The following KCNH7 variants were observed in gnomAD, a reference collection of about 807,000 sequenced individuals.
The protein encoded by KCNH7 is voltage-gated inwardly rectifying potassium channel KCNH7.
A neutral mutation model predicts 120.8 loss-of-function variants in KCNH7; 49 were observed. The observed-to-expected ratio is 0.41, with a 90% CI of 0.32 to 0.51. The LOEUF (loss-of-function observed/expected upper bound fraction) is 0.51. Ranked by LOEUF, KCNH7 falls within the 20% of genes least tolerant of loss-of-function variation. KCNH7 has a pLI of 0.38. For synonymous variants in KCNH7, 547 were observed against 516.1 expected (o/e 1.06, Z -0.81); for missense variants, 1,097 against 1,446.6 (o/e 0.76, Z 3.92).
At chr2:162,694,689 C>T (rs1355590560) in intron 2 of KCNH7, among the ~76,000 whole-genome samples, 1 of 151,996 alleles carries the variant, frequency 6.6e-6, no homozygotes, top group African/African-American at 2.4e-5. Flanking sequence ...GCACTCCTCA[C>T]AGCCAGAAGA....
chr2:162,775,657 T>G (rs577160452), intron 2 of KCNH7, among the ~76,000 whole-genome samples: 1 of 152,322 alleles, frequency 6.6e-6, no homozygotes, highest in South Asian at 2.1e-4. Flanking sequence ...TTTTAGGCAT[T>G]CATTTGCATT....
Position 162,741,052 on chromosome 2 carries a change from G to A in KCNH7, c.307+95485C>T, listed in dbSNP as rs533035022. On this transcript the variant is annotated intron_variant, in intron 2 of 15. Coordinates refer to ENST00000332142, the MANE Select transcript of KCNH7 (RefSeq NM_033272.4). ...TAGGCTTCAGAAATACATGATAATT[G>A]ACTAACTGTTATGCAGATCCAGATA... Among the ~76,000 whole-genome samples, 305 of 152,160 alleles carry A rather than the reference G, an allele frequency of 2.0e-3. 3 individuals carry two copies. Among genetic ancestry groups the A allele is most frequent in the African/African-American group, 7.0e-3 (291 of 41,536 alleles).
intron 2 of KCNH7, among the ~76,000 whole-genome samples, chr2:162,595,849 C>T (rs548370594): frequency 2.0e-5 from 3 of 151,202 alleles, no homozygotes; most frequent in South Asian, 2.1e-4. Flanking sequence ...GTTAGAACAG[C>T]GAAATAAATT....
chr2:162,687,693 C>CT (rs1685946054), intron 2 of KCNH7, among the ~76,000 whole-genome samples: 1 of 152,094 alleles, frequency 6.6e-6, no homozygotes, highest in Non-Finnish European at 1.5e-5. Flanking sequence ...TTTATTAGCA[C>CT]ACCACTGGTA....
intron 2 of KCNH7, among the ~76,000 whole-genome samples, chr2:162,553,207 C>T (rs978823387): frequency 4.6e-5 from 7 of 152,020 alleles, no homozygotes; most frequent in Non-Finnish European, 7.4e-5. Context: ...ACTGTATGAA[C>T]TGGTAGATGT....
chr2:162,635,056 T>C (rs1683907212), intron 2 of KCNH7, among the ~76,000 whole-genome samples: 1 of 151,978 alleles, frequency 6.6e-6, no homozygotes, highest in African/African-American at 2.4e-5. Context: ...ATGTTTCAAC[T>C]GCTTAATAGA....
chr2:162,535,797 A>T (rs1225708244), intron 3 of KCNH7, among the ~76,000 whole-genome samples: 1 of 151,752 alleles, frequency 6.6e-6, no homozygotes, highest in African/African-American at 2.4e-5. Context: ...GTATATATAA[A>T]CTGTATGATT....
chr2:162,615,544 A>T (rs1683115632), intron 2 of KCNH7, among the ~76,000 whole-genome samples: 1 of 152,222 alleles, frequency 6.6e-6, no homozygotes, highest in South Asian at 2.1e-4. Flanking sequence ...AGGGTTCTCA[A>T]ATGGTAGGTA....
chr2:162,531,205 A>T (rs1574070066), intron 3 of KCNH7, among the ~76,000 whole-genome samples: 1 of 152,008 alleles, frequency 6.6e-6, no homozygotes, highest in Admixed American at 6.6e-5. Context: ...ATCACAATAT[A>T]AAGTTGCATA....
intron 2 of KCNH7, among the ~76,000 whole-genome samples, chr2:162,695,890 A>AC (rs1172263964): frequency 1.3e-5 from 2 of 152,166 alleles, no homozygotes; most frequent in East Asian, 3.8e-4. Context: ...TGGAAAGCAA[A>AC]CCACCTTATA....
intron 2 of KCNH7, among the ~76,000 whole-genome samples, chr2:162,555,690 C>A (rs546668211): frequency 9.9e-5 from 15 of 151,872 alleles, no homozygotes; most frequent in Non-Finnish European, 1.8e-4. Flanking sequence ...ATTCTTAGAC[C>A]CTAGGTTTTT....
chr2:162,566,271 A>C (rs1693251294), intron 2 of KCNH7, among the ~76,000 whole-genome samples: 1 of 152,020 alleles, frequency 6.6e-6, no homozygotes, highest in Admixed American at 6.6e-5. Context: ...CCTGGGCTTA[A>C]CATCTTTTAT....
intron 2 of KCNH7, among the ~76,000 whole-genome samples, chr2:162,580,183 A>C (rs1693823227): frequency 6.6e-6 from 1 of 152,062 alleles, no homozygotes; most frequent in Non-Finnish European, 1.5e-5. Flanking sequence ...GTCCTCTGGC[A>C]GTGCTAACTT....
intron 2 of KCNH7, among the ~76,000 whole-genome samples, chr2:162,794,336 G>A (rs151066524): frequency 1.9e-4 from 29 of 151,950 alleles, no homozygotes; most frequent in Middle Eastern, 6.8e-3. Context: ...CAGATGTATC[G>A]TATACCTGAT....
In KCNH7 at chr2:162,371,906, G is replaced by T. The variant is rs750033552; in HGVS notation, c.3514C>A (p.Pro1172Thr). ...YVHPIRHPSL[P>T]DSSLSTVGIV... ...CCTACAGTGCTTAGGGATGAATCTG[G>T]CAAAGAAGGATGCCTAATTGGATGA... The change falls in exon 16 of 16, where the codon CCA (proline) becomes ACA (threonine). Residue 1172 changes from proline to threonine, a missense_variant. Physicochemically the swap from Pro to Thr is conservative, Grantham distance 38 (BLOSUM62 -1). This residue lies in a region of KCNH7 where 406 missense variants were observed against 410.5 expected (regional missense o/e 0.99). Coordinates refer to ENST00000332142, the MANE Select transcript of KCNH7 (RefSeq NM_033272.4). 1 of 1,613,772 alleles carries T rather than the reference G, an allele frequency of 6.2e-7. No homozygotes were observed. Among genetic ancestry groups the T allele is most frequent in the South Asian group, 1.1e-5 (1 of 91,070 alleles).
chr2:162,488,684 C>G (rs1690188097), intron 6 of KCNH7, among the ~76,000 whole-genome samples: 1 of 152,166 alleles, frequency 6.6e-6, no homozygotes, highest in Non-Finnish European at 1.5e-5. Context: ...AAAGAAAAAT[C>G]TGCGCTCAGT....
chr2:162,530,647 G>A (rs532777966), intron 3 of KCNH7, among the ~76,000 whole-genome samples: 1 of 152,114 alleles, frequency 6.6e-6, no homozygotes, highest in African/African-American at 2.4e-5. Context: ...TACAATGTAG[G>A]TTTTGAAGCA....
At chr2:162,618,639 A>G (rs906734024) in intron 2 of KCNH7, among the ~76,000 whole-genome samples, 2 of 152,076 alleles carry the variant, frequency 1.3e-5, no homozygotes, top group African/African-American at 2.4e-5. Flanking sequence ...TTTGTGTCTT[A>G]TTTTTCATTA....
At chr2:162,528,995 T>G (rs1691818336) in intron 3 of KCNH7, among the ~76,000 whole-genome samples, 1 of 151,910 alleles carries the variant, frequency 6.6e-6, no homozygotes, top group South Asian at 2.1e-4. Context: ...TCATAATGTA[T>G]GAAAAGGAAG....
Sources: allele counts gnomAD v4.1 joint callset (sites outside exome capture counted in the v4.1 genomes callset), GRCh38; gene constraint gnomAD v4.1.1; regional missense constraint gnomAD v4.1.1; transcripts MANE v1.5; gene names NCBI Gene and HGNC (gene_info 2026-07-23, HGNC 2026-07-21).